The following SEMA3A variants were observed in gnomAD, a reference collection of about 807,000 sequenced individuals.
SEMA3A encodes semaphorin-3A.
SEMA3A carries 29 observed loss-of-function variants against 97.9 expected under a neutral mutation model. The observed-to-expected ratio is 0.30, with a 90% CI of 0.22 to 0.40. The LOEUF (loss-of-function observed/expected upper bound fraction) is 0.40, where lower values mean the gene tolerates loss of function less well. SEMA3A is among the 10% of genes least tolerant of loss of function. SEMA3A has a pLI of 1.00. For synonymous variants in SEMA3A, 321 were observed against 323.7 expected (o/e 0.99, Z 0.09); for missense variants, 763 against 951.3 (o/e 0.80, Z 2.60).
intron 2 of SEMA3A, among the ~76,000 whole-genome samples, chr7:84,371,062 T>C (rs146205083): frequency 1.4e-3 from 216 of 151,804 alleles, no homozygotes; most frequent in African/African-American, 4.9e-3. Flanking sequence ...CTATCTAACA[T>C]ATATACATGG....
intron 3 of SEMA3A, among the ~76,000 whole-genome samples, chr7:84,203,690 C>A (rs1554345547): frequency 6.6e-5 from 10 of 151,004 alleles, no homozygotes; most frequent in Non-Finnish European, 8.9e-5. Flanking sequence ...TGCCACCACA[C>A]CTAACTAATT....
intron 16 of SEMA3A, 39 bp from the exon 17 acceptor site, chr7:83,961,865 T>G (rs1480161758): frequency 6.8e-7 from 1 of 1,471,142 alleles, no homozygotes; most frequent in Non-Finnish European, 9.3e-7. Context: ...AATATACATA[T>G]TTAAAAGAAA....
At chr7:84,252,160 G>A (rs141019831) in intron 3 of SEMA3A, among the ~76,000 whole-genome samples, 2 of 152,266 alleles carry the variant, frequency 1.3e-5, no homozygotes, top group African/African-American at 4.8e-5. Flanking sequence ...TTCCCTGAAT[G>A]TCATTGTTCC....
At chr7:84,492,353 A>C (rs1365347666) in intron 1 of SEMA3A, 1 of 152,128 alleles carries the variant, frequency 6.6e-6, no homozygotes, top group East Asian at 1.9e-4. Flanking sequence ...TATGAACATA[A>C]GCTTTGTCCT....
At chr7:84,123,101 T>C (rs1424329902) in intron 3 of SEMA3A, among the ~76,000 whole-genome samples, 2 of 152,128 alleles carry the variant, frequency 1.3e-5, no homozygotes, top group South Asian at 2.1e-4. Context: ...GATGGTTTAG[T>C]AGGATAAACA....
At chr7:84,160,586 A>T (rs1447058198) in intron 1 of SEMA3A, among the ~76,000 whole-genome samples, 1 of 151,674 alleles carries the variant, frequency 6.6e-6, no homozygotes, top group African/African-American at 2.4e-5. Context: ...AAACAAAAAA[A>T]TTCCATAGGG....
rs574779104 is a variant in SEMA3A, at chr7:84,225,823, GAAAGAAAGTGA to G, written c.-82-31166_-82-31156del. Among the ~76,000 whole-genome samples the G allele has an allele frequency of 5.5e-3, 833 of 152,148 alleles. 7 individuals are homozygous for G. Among genetic ancestry groups the G allele is most frequent in the African/African-American group, 0.019 (777 of 41,530 alleles). The stretch of plus-strand genomic sequence containing the variant: ...AGCTAGAGTGGGATAGTAGGAAGTG[GAAAGAAAGTGA>G]AAAGAATAAGATAACGTGCTGTCTA... On this transcript the variant is annotated intron_variant, in intron 3 of 3. Coordinates refer to the SEMA3A transcript ENST00000424555.
chr7:84,055,222 T>C (rs1324165825), intron 5 of SEMA3A, among the ~76,000 whole-genome samples: 3 of 152,334 alleles, frequency 2.0e-5, no homozygotes, highest in African/African-American at 7.2e-5. Context: ...TGAGCTGTGG[T>C]GGGCTCCACC....
chr7:84,021,146 T>A (rs754543022), intron 6 of SEMA3A, among the ~76,000 whole-genome samples: 1 of 152,208 alleles, frequency 6.6e-6, no homozygotes, highest in Non-Finnish European at 1.5e-5. Context: ...GTTGCTAATA[T>A]GCATTAACTA....
chr7:84,012,303 ACAT>A (rs111656596), intron 7 of SEMA3A, among the ~76,000 whole-genome samples: 9,746 of 152,236 alleles, frequency 0.064, 442 homozygotes, highest in African/African-American at 0.13. Context: ...ACATTTTAAA[ACAT>A]CATGTTGCAC....
chr7:84,032,679 GAAGT>G (rs781223950), intron 6 of SEMA3A, among the ~76,000 whole-genome samples: 24 of 151,998 alleles, frequency 1.6e-4, no homozygotes, highest in South Asian at 8.3e-4. Context: ...TATCCTTTAA[GAAGT>G]AAGAATTCAA....
chr7:84,154,709 A>C (rs994273551), intron 1 of SEMA3A, among the ~76,000 whole-genome samples: 1 of 151,638 alleles, frequency 6.6e-6, no homozygotes, highest in Non-Finnish European at 1.5e-5. Flanking sequence ...AAAAACAAAA[A>C]AAAGACAGAT....
chr7:84,029,889 C>T (rs369293101), intron 6 of SEMA3A, among the ~76,000 whole-genome samples: 25 of 151,314 alleles, frequency 1.7e-4, no homozygotes, highest in East Asian at 1.2e-3. Flanking sequence ...TTTAAAGACA[C>T]GAAGACAAAA....
chr7:84,425,011 A>T (rs1429860386), intron 1 of SEMA3A, among the ~76,000 whole-genome samples: 43 of 102,834 alleles, frequency 4.2e-4, no homozygotes, highest in African/African-American at 1.6e-3. Flanking sequence ...ATTTATATAT[A>T]TTATTTATTT....
chr7:83,984,303 A>G (rs1344022103), intron 13 of SEMA3A, among the ~76,000 whole-genome samples: 1 of 152,152 alleles, frequency 6.6e-6, no homozygotes, highest in Non-Finnish European at 1.5e-5. Context: ...ACGAGAACAG[A>G]TGAACACATA....
At chr7:84,181,560 T>C (rs1342349032) in intron 1 of SEMA3A, among the ~76,000 whole-genome samples, 1 of 152,106 alleles carries the variant, frequency 6.6e-6, no homozygotes, top group Non-Finnish European at 1.5e-5. Flanking sequence ...ATTTGCCTTT[T>C]AATATTGTAT....
Position 83,961,815 on chromosome 7 carries a change from A to G in SEMA3A, c.1872T>C (p.Asp624=). The G allele has an allele frequency of 6.2e-7, 1 of 1,612,756 alleles. No individual in the cohort carries two copies. The highest frequency in any genetic ancestry group is 8.5e-7 in the Non-Finnish European group (1 of 1,179,178). ...NEERKEEIRV[D]DHIIRTDQGL... is the part of the protein sequence containing the mutation. ...CTTGATCTGTCCTGATGATATGATC[A>G]TCCACTCTGATCTAGCAGGTTAAAA... Residue 624 remains aspartate (D), a synonymous_variant, in exon 17 of 17, where the codon GAT becomes GAC. Transcript: ENST00000265362.
chr7:84,442,958 T>G (rs1156968113), intron 1 of SEMA3A, among the ~76,000 whole-genome samples: 1 of 151,940 alleles, frequency 6.6e-6, no homozygotes, highest in Non-Finnish European at 1.5e-5. Flanking sequence ...TAGGAGGCCA[T>G]CAAAATATAT....
At chr7:84,397,432 A>C (rs562660272) in intron 1 of SEMA3A, among the ~76,000 whole-genome samples, 1 of 148,244 alleles carries the variant, frequency 6.7e-6, no homozygotes, top group African/African-American at 2.4e-5. Context: ...TATAAAATAT[A>C]TAATATATAT....
Sources: allele counts gnomAD v4.1 joint callset (sites outside exome capture counted in the v4.1 genomes callset), GRCh38; gene constraint gnomAD v4.1.1; transcripts MANE v1.5; gene names NCBI Gene and HGNC (gene_info 2026-07-23, HGNC 2026-07-21).